Variants in WEE1 observed in about 807,000 individuals in gnomAD.
The protein encoded by WEE1 is WEE1 G2 checkpoint kinase, also known as wee1-like protein kinase.
In WEE1, 16 loss-of-function variants were observed where a neutral mutation model predicts 68.8. The observed-to-expected ratio is 0.23, with a 90% CI of 0.16 to 0.35. The LOEUF (loss-of-function observed/expected upper bound fraction) is 0.35, where lower values mean the gene tolerates loss of function less well. Ranked by LOEUF, WEE1 falls within the 10% of genes least tolerant of loss-of-function variation. WEE1 has a pLI of 1.00. For missense variants in WEE1, 651 were observed against 824.1 expected (o/e 0.79, Z 2.57); for synonymous variants, 349 against 318.7 (o/e 1.09, Z -1.01).
At position 9,574,019 on chromosome 11, in the gene WEE1, C is replaced by A; in HGVS notation, c.86C>A (p.Pro29His). 1 of 1,275,738 alleles carries A rather than the reference C, an allele frequency of 7.8e-7. No homozygotes were observed. Among genetic ancestry groups the A allele is most frequent in the African/African-American group, 1.6e-5 (1 of 64,362 alleles). 79.0% of individuals were successfully genotyped at this position (1,275,738 alleles called of 1,614,324 possible). A position where few individuals can be genotyped will look rare whatever the true frequency, so the allele number is the denominator to read the frequency against. Residue 29 changes from proline (P) to histidine (H), a missense_variant, in exon 1 of 11, where the codon CCC becomes CAC. By Grantham distance (77) the Pro-to-His change is moderately conservative. This residue lies in a region of WEE1 where 395 missense variants were observed against 378.4 expected (regional missense o/e 1.04). Coordinates refer to ENST00000450114, the MANE Select transcript of WEE1 (RefSeq NM_003390.4). The surrounding 1 kb of genome is among the most constrained non-coding windows in gnomAD (Gnocchi z 4.9). Reference protein sequence around the residue: ...CTLRQKLIFSPCSDCEEEEEE... With the variant: ...CTLRQKLIFSHCSDCEEEEEE... Reference sequence around the variant, plus strand: ...TTGCGGCAGAAGCTGATCTTCTCGCCCTGCAGCGACTGTGAGGAGGAGGAA... The same window carrying A: ...TTGCGGCAGAAGCTGATCTTCTCGCACTGCAGCGACTGTGAGGAGGAGGAA...
chr11:9,574,704 G>A lies in WEE1; in HGVS notation c.576+195G>A. ...TTGAGATTATGTAACTGAACAATGG[G>A]CCTCGTCTGGAACTTCATCTTACAA... On this transcript the variant is annotated intron_variant, in intron 1 of 10. Coordinates refer to ENST00000450114, the MANE Select transcript of WEE1 (RefSeq NM_003390.4). The surrounding 1 kb of genome is among the most constrained non-coding windows in gnomAD (Gnocchi z 4.9). 9.3e-7 allele frequency: 1 copy of A among 1,078,178 alleles called. No homozygotes were observed. Among genetic ancestry groups the A allele is most frequent in the Non-Finnish European group, 1.1e-6 (1 of 890,970 alleles). The allele number at this position is 1,078,178 out of a possible 1,614,324, so 66.8% of individuals were successfully genotyped here. A position where few individuals can be genotyped will look rare whatever the true frequency, so the allele number is the denominator to read the frequency against.
chr11:9,588,146 C>T (rs1056640188), intron 10 of WEE1, among the ~76,000 whole-genome samples: 2 of 152,252 alleles, frequency 1.3e-5, no homozygotes, highest in South Asian at 4.1e-4. Flanking sequence ...TCCCGAGTAG[C>T]TGAGACTACA....
chr11:9,577,308 T>G (rs201878297), intron 5 of WEE1, 45 bp downstream of exon 5: 13 of 1,592,972 alleles, frequency 8.2e-6, no homozygotes, highest in Non-Finnish European at 1.1e-5. Context: ...AAAATGAACA[T>G]CGAGGAAATA....
Position 9,576,114 on chromosome 11 carries a change from T to A in WEE1, c.782+21T>A. ...AATGAGTAAGTCGTTTATTTAACAG[T>A]TTGGTTCTCCAAATAACCTAAGATT... On this transcript the variant is annotated intron_variant, in intron 2 of 10. Transcript: ENST00000450114. The surrounding 1 kb of genome is among the most constrained non-coding windows in gnomAD (Gnocchi z 4.3). The A allele has an allele frequency of 6.2e-7, 1 of 1,613,006 alleles. No homozygotes were observed. Among genetic ancestry groups the A allele is most frequent in the South Asian group, 1.1e-5 (1 of 90,994 alleles).
intron 6 of WEE1, among the ~76,000 whole-genome samples, chr11:9,583,761 G>A (rs61876834): frequency 0.15 from 6,780 of 45,766 alleles, 349 homozygotes; most frequent in East Asian, 0.19. Flanking sequence ...GCACGCGCGC[G>A]CACACACACA....
Position 9,577,278 on chromosome 11 carries a change from G to A in WEE1, c.1141+15G>A. 1 of 1,605,564 alleles carries A rather than the reference G, an allele frequency of 6.2e-7. No homozygotes were observed. Among genetic ancestry groups the A allele is most frequent in the Non-Finnish European group, 8.5e-7 (1 of 1,176,928 alleles). ...ATATTGTAATGGTGAGTGATGTAAT[G>A]GTTTTCTTGTGAGCTTGAGAAAATG... is the stretch of plus-strand genomic sequence containing the variant. On this transcript the variant is annotated intron_variant, in intron 5 of 10. Coordinates refer to ENST00000450114, the MANE Select transcript of WEE1 (RefSeq NM_003390.4).
chr11:9,587,390 T>C (rs1849713100), intron 10 of WEE1, among the ~76,000 whole-genome samples: 3 of 152,230 alleles, frequency 2.0e-5, no homozygotes, highest in Admixed American at 2.0e-4. Context: ...GAGACTAACA[T>C]ATATTTGCAA....
intron 8 of WEE1, 83 bp from the exon 9 acceptor site, chr11:9,586,366 T>A (rs867131169): frequency 1.5e-6 from 2 of 1,298,728 alleles, no homozygotes; most frequent in Middle Eastern, 4.9e-4. Context: ...GTCCTATTTT[T>A]CACCTAAGTC....
chr11:9,586,920 A>G, intron 10 of WEE1, 64 bp downstream of exon 10: 1 of 1,501,306 alleles, frequency 6.7e-7, no homozygotes, highest in South Asian at 1.3e-5. Context: ...AATTTTAATG[A>G]GAGATGATTT....
chr11:9,585,492 G>A lies in WEE1; in HGVS notation c.1435G>A (p.Asp479Asn). 1 of 1,598,000 alleles carries A rather than the reference G, an allele frequency of 6.3e-7. No individual in the cohort carries two copies. Among genetic ancestry groups the A allele is most frequent in the Non-Finnish European group, 8.5e-7 (1 of 1,176,022 alleles). The change falls in exon 8 of 11, where the codon GAT (aspartate) becomes AAT (asparagine). Residue 479 changes from aspartate (D) to asparagine (N), a missense_variant. Physicochemically the swap from Asp to Asn is conservative, Grantham distance 23. Transcript: ENST00000450114. ...RISSPQVEEG[D>N]SRFLANEVLQ... ...CTCCAGTCCACAAGTTGAAGAGGGC[G>A]ATAGTCGTTTTCTTGCAAATGAAGT...
rs1366820884 is a variant in WEE1, at chr11:9,589,002, C to CAGCCTTCA, written c.*402_*409dup. On this transcript the variant is annotated 3_prime_UTR_variant, in exon 11 of 11. Coordinates refer to ENST00000450114, the MANE Select transcript of WEE1 (RefSeq NM_003390.4). Reference sequence around the variant, plus strand: ...ACATGCTAAAAGACTCATTACTACTCAGCCTTCAATGTACCTGTGTGTCCA... The same window carrying CAGCCTTCA: ...ACATGCTAAAAGACTCATTACTACTCAGCCTTCAAGCCTTCAATGTACCTGTGTGTCCA... 2 of 986,400 alleles carry CAGCCTTCA rather than the reference C, an allele frequency of 2.0e-6. No homozygotes were observed. The highest frequency in any genetic ancestry group is 3.5e-5 in the African/African-American group (2 of 57,236). The allele number at this position is 986,400 out of a possible 1,614,324, so 61.1% of individuals were successfully genotyped here. A position where few individuals can be genotyped will look rare whatever the true frequency, so the allele number is the denominator to read the frequency against.
At position 9,589,840 on chromosome 11, in the gene WEE1, G is replaced by A; in HGVS notation, c.*1238G>A. On this transcript the variant is annotated 3_prime_UTR_variant, in exon 11 of 11. Transcript: ENST00000450114. ...CTATAAAATGTATAGTGTGTATAAT[G>A]TACTATTATAAAAGCAGAGGGCACA... 2 of 531,512 alleles carry A rather than the reference G, an allele frequency of 3.8e-6. No homozygotes were observed. Among genetic ancestry groups the A allele is most frequent in the Non-Finnish European group, 4.8e-6 (2 of 414,934 alleles). 32.9% of individuals were successfully genotyped at this position (531,512 alleles called of 1,614,324 possible).
At chr11:9,577,938 A>G (rs537095471) in intron 5 of WEE1, 7 of 454,972 alleles carry the variant, frequency 1.5e-5, no homozygotes, top group South Asian at 3.1e-5. Context: ...CTTTTCTATT[A>G]AAAACCTTTA....
rs758546650 is a variant in WEE1 at position 9,581,637 on chromosome 11, A to G, written c.1247A>G (p.Tyr416Cys). The change falls in exon 6 of 11, where the codon TAT (tyrosine) becomes TGT (cysteine). Residue 416 changes from tyrosine (Y) to cysteine (C), a missense_variant. Tyr to Cys is a radical substitution (Grantham distance 194, BLOSUM62 -2). Around this residue, in one of 5 missense-constraint regions of WEE1, gnomAD observed 82 missense variants for 123.2 expected, o/e 0.67. Coordinates refer to ENST00000450114, the MANE Select transcript of WEE1 (RefSeq NM_003390.4). ...TTGCAAGTTGGCCGAGGCTTGAGGT[A>G]TATTCATTCAATGTCTTTGGTTCAC... Reference protein sequence around the residue: ...LLLQVGRGLRYIHSMSLVHMD... With the variant: ...LLLQVGRGLRCIHSMSLVHMD... 3.1e-6 allele frequency: 5 copies of G among 1,613,092 alleles called. No individual in the cohort carries two copies. The African/African-American group carries it at 4.0e-5, about 13-fold the overall frequency.
intron 6 of WEE1, among the ~76,000 whole-genome samples, chr11:9,582,060 T>G (rs1322527263): frequency 6.6e-6 from 1 of 152,220 alleles, no homozygotes. Context: ...CAGAAATTTT[T>G]GCTGCATCTT....
chr11:9,587,985 T>A (rs1279232705), intron 10 of WEE1, among the ~76,000 whole-genome samples: 4 of 147,572 alleles, frequency 2.7e-5, no homozygotes, highest in East Asian at 2.0e-4. Flanking sequence ...ATTTTTTTTT[T>A]ATTGGGGATA....
intron 5 of WEE1, chr11:9,577,896 G>GT (rs1554974964): frequency 4.4e-6 from 2 of 456,040 alleles, no homozygotes. Context: ...TTCAGTTTCG[G>GT]TAAGTCCTTC....
Position 9,588,869 on chromosome 11 carries a change from C to T in WEE1, c.*267C>T. ...CAGGGTTAACCACTGTGGTGGTGTG[C>T]TGCTTATAGTTTGCTGTTGCATTGT... On this transcript the variant is annotated 3_prime_UTR_variant, in exon 11 of 11. Transcript: ENST00000450114. 9.5e-7 allele frequency: 1 copy of T among 1,049,140 alleles called. No homozygotes were observed. The highest frequency in any genetic ancestry group is 1.1e-6 in the Non-Finnish European group (1 of 869,954). 65.0% of individuals were successfully genotyped at this position (1,049,140 alleles called of 1,614,324 possible).
Position 9,589,860 on chromosome 11 carries a change from G to A in WEE1, c.*1258G>A, listed in dbSNP as rs1218967607. The A allele has an allele frequency of 1.9e-5, 7 of 373,414 alleles. No individual in the cohort carries two copies. Among genetic ancestry groups the A allele is most frequent in the Non-Finnish European group, 2.6e-5 (7 of 270,648 alleles). The allele number at this position is 373,414 out of a possible 1,614,324, so 23.1% of individuals were successfully genotyped here. A position where few individuals can be genotyped will look rare whatever the true frequency, so the allele number is the denominator to read the frequency against. On this transcript the variant is annotated 3_prime_UTR_variant, in exon 11 of 11. Coordinates refer to ENST00000450114, the MANE Select transcript of WEE1 (RefSeq NM_003390.4). Reference sequence around the variant, plus strand: ...ATAATGTACTATTATAAAAGCAGAGGGCACATTTTGATTGAATATGAATAT... The same window carrying A: ...ATAATGTACTATTATAAAAGCAGAGAGCACATTTTGATTGAATATGAATAT...
Sources: allele counts gnomAD v4.1 joint callset (sites outside exome capture counted in the v4.1 genomes callset), GRCh38; gene constraint gnomAD v4.1.1; regional missense constraint gnomAD v4.1.1; non-coding constraint Gnocchi (gnomAD v3.1); transcripts MANE v1.5; gene names NCBI Gene and HGNC (gene_info 2026-07-23, HGNC 2026-07-21).